The following SLC17A9 variants were observed in gnomAD, a reference collection of about 807,000 sequenced individuals.
SLC17A9 encodes the protein solute carrier family 17 member 9, also known as voltage-gated purine nucleotide uniporter SLC17A9.
Under a neutral mutation model 55.0 loss-of-function variants are expected in SLC17A9, and 49 were observed. The ratio of observed to expected loss-of-function variants is 0.89; its 90% confidence interval spans 0.71 to 1.13. The LOEUF (loss-of-function observed/expected upper bound fraction) is 1.13, where lower values mean the gene tolerates loss of function less well. SLC17A9 is among the 50% of genes most tolerant of loss of function. SLC17A9 has a pLI of 0.00. For missense variants in SLC17A9, 526 were observed against 569.3 expected (o/e 0.92, Z 0.77); for synonymous variants, 256 against 247.4 (o/e 1.03, Z -0.32).
At chr20:62,965,582 T>A in intron 9 of SLC17A9, 28 bp from the exon 10 acceptor site, 2 of 1,602,926 alleles carry the variant, frequency 1.2e-6, no homozygotes, top group South Asian at 1.1e-5. Flanking sequence ...GCTGGGTGCC[T>A]CTCCGTCACG....
At chr20:62,953,740 G>T (rs1330624078) in intron 1 of SLC17A9, among the ~76,000 whole-genome samples, 1 of 152,244 alleles carries the variant, frequency 6.6e-6, no homozygotes, top group African/African-American at 2.4e-5. Flanking sequence ...CTGTATGAGG[G>T]CTGAGGACCC....
chr20:62,964,962 C>T (rs2065621902), intron 8 of SLC17A9, 170 bp from the exon 9 acceptor site: 3 of 702,202 alleles, frequency 4.3e-6, no homozygotes, highest in Admixed American at 2.6e-5. Context: ...CGCGGCTGCA[C>T]CCCACATGCG....
intron 4 of SLC17A9, among the ~76,000 whole-genome samples, chr20:62,960,810 T>A (rs1397807674): frequency 6.6e-6 from 1 of 152,270 alleles, no homozygotes; most frequent in Non-Finnish European, 1.5e-5. Flanking sequence ...TTGTGCATAT[T>A]TCTGCCTTTC....
Position 62,962,571 on chromosome 20 carries a change from T to C in SLC17A9, c.498-53T>C, listed in dbSNP as rs2065597594. ...GGTGGGGTTTCTGAGAGGCCCCTCCTCACCCGAGGGGTGCCGCTGAGGGGC... is the reference window on the plus strand; with the variant it reads ...GGTGGGGTTTCTGAGAGGCCCCTCCCCACCCGAGGGGTGCCGCTGAGGGGC... On this transcript the variant is annotated intron_variant, in intron 4 of 12. Coordinates refer to ENST00000370351, the MANE Select transcript of SLC17A9 (RefSeq NM_022082.4). This position sits in a 1 kb window ranked among gnomAD's most constrained non-coding sequence, Gnocchi z 5.5. 11 of 1,593,332 alleles carry C rather than the reference T, an allele frequency of 6.9e-6. No individual in the cohort carries two copies. The highest frequency in any genetic ancestry group is 8.5e-6 in the Non-Finnish European group (10 of 1,170,024).
At chr20:62,963,555 G>A in intron 6 of SLC17A9, 29 bp from the exon 7 acceptor site, 2 of 1,571,596 alleles carry the variant, frequency 1.3e-6, no homozygotes, top group Non-Finnish European at 1.7e-6. Flanking sequence ...TGCGGCACCA[G>A]AGTCACGGTC....
At position 62,964,145 on chromosome 20, in the gene SLC17A9, G is replaced by A. The variant is rs558577242; in HGVS notation, c.823-83G>A. ...CTTTCCTGGGCAGTGGTGGGCACGG[G>A]GGCGCTGTCCAGCCTGAGTATCCTC... On this transcript the variant is annotated intron_variant, in intron 7 of 12. Coordinates refer to ENST00000370351, the MANE Select transcript of SLC17A9 (RefSeq NM_022082.4). The A allele has an allele frequency of 1.5e-4, 203 of 1,397,210 alleles. 2 individuals are homozygous for A. The South Asian group carries it at 2.2e-3, about 15-fold the overall frequency. 86.6% of individuals were successfully genotyped at this position (1,397,210 alleles called of 1,614,324 possible).
rs114626579 is a variant in SLC17A9, at chr20:62,956,895, A to G, written c.190A>G (p.Ile64Val). 2 of 1,613,660 alleles carry G rather than the reference A, an allele frequency of 1.2e-6. No individual in the cohort carries two copies. The highest frequency in any genetic ancestry group is 1.7e-6 in the Non-Finnish European group (2 of 1,180,024). ...DFGWNKKEAG[I>V]VLSSFFWGYC... is the part of the protein sequence containing the mutation. ...CGGCTGGAACAAGAAGGAGGCCGGC[A>G]TCGTGCTCAGCAGCTTCTTCTGGGG... Residue 64 changes from isoleucine to valine, a missense_variant, in exon 2 of 13, where the codon ATC (isoleucine) becomes GTC (valine). Transcript: ENST00000370351.
chr20:62,956,999 G>A (rs369941336), intron 2 of SLC17A9, 37 bp downstream of exon 2: 1 of 1,611,672 alleles, frequency 6.2e-7, no homozygotes, highest in Admixed American at 1.7e-5. Flanking sequence ...GGCTGGTGGG[G>A]GCCGCCCCAC....
chr20:62,957,377 A>G, intron 2 of SLC17A9, 64 bp from the exon 3 acceptor site: 2 of 1,520,846 alleles, frequency 1.3e-6, no homozygotes, highest in Non-Finnish European at 1.8e-6. Context: ...GGCTGCCCTG[A>G]GTCAGGGTGG....
intron 10 of SLC17A9, 40 bp downstream of exon 10, chr20:62,965,765 C>A: frequency 6.3e-7 from 1 of 1,586,734 alleles, no homozygotes; most frequent in Non-Finnish European, 8.6e-7. Context: ...CGCCGTGCTG[C>A]CCGCACGGCC....
chr20:62,967,316 G>C, intron 12 of SLC17A9, 21 bp from the exon 13 acceptor site: 1 of 1,613,124 alleles, frequency 6.2e-7, no homozygotes, highest in Non-Finnish European at 8.5e-7. Context: ...CACTCAGCCC[G>C]CCTGGCCCTC....
chr20:62,965,897 C>T (rs978594418), intron 10 of SLC17A9, among the ~76,000 whole-genome samples, 172 bp downstream of exon 10: 5 of 152,390 alleles, frequency 3.3e-5, no homozygotes, highest in Admixed American at 6.5e-5. Context: ...CTTTAGGAAC[C>T]AGCAATTCAC....
Position 62,956,792 on chromosome 20 carries a change from G to A in SLC17A9, c.87G>A (p.Thr29=), listed in dbSNP as rs559986873. The change falls in exon 2 of 13, where the codon ACG becomes ACA. Residue 29 remains threonine, a synonymous_variant. Coordinates refer to ENST00000370351, the MANE Select transcript of SLC17A9 (RefSeq NM_022082.4). Reference sequence around the variant, plus strand: ...CCGAGTGCCAGGCATGGACGGGGACGCTGCTGCTGGGCACATGCCTTCTGT... The same window carrying A: ...CCGAGTGCCAGGCATGGACGGGGACACTGCTGCTGGGCACATGCCTTCTGT... ...SRPECQAWTG[T]LLLGTCLLYC... 120 of 1,612,286 alleles carry A rather than the reference G, an allele frequency of 7.4e-5. 1 individual carries two copies. Among genetic ancestry groups the A allele is most frequent in the South Asian group, 9.9e-5 (9 of 90,974 alleles).
chr20:62,963,478 A>G, intron 6 of SLC17A9, 106 bp from the exon 7 acceptor site: 1 of 1,508,400 alleles, frequency 6.6e-7, no homozygotes, highest in Non-Finnish European at 9.0e-7. Flanking sequence ...CCTAGGGCTC[A>G]GAGAAGTGGG....
intron 3 of SLC17A9, among the ~76,000 whole-genome samples, 200 bp downstream of exon 3, chr20:62,957,780 C>T (rs538332538): frequency 2.2e-4 from 30 of 135,032 alleles, no homozygotes; most frequent in African/African-American, 5.1e-4. Flanking sequence ...CGCGTGCATG[C>T]GTGCACCTGT....
intron 12 of SLC17A9, chr20:62,967,062 C>T (rs1396319625): frequency 6.9e-6 from 4 of 576,982 alleles, no homozygotes; most frequent in East Asian, 5.8e-5. Context: ...TCGCCTGGGC[C>T]GGCCTGTGGC....
chr20:62,964,159 C>A, intron 7 of SLC17A9, 69 bp from the exon 8 acceptor site: 1 of 1,523,732 alleles, frequency 6.6e-7, no homozygotes, highest in Non-Finnish European at 9.1e-7. Context: ...GCTGTCCAGC[C>A]TGAGTATCCT....
At chr20:62,956,479 C>T (rs564441400) in intron 1 of SLC17A9, among the ~76,000 whole-genome samples, 1 of 152,310 alleles carries the variant, frequency 6.6e-6, no homozygotes, top group African/African-American at 2.4e-5. Flanking sequence ...CAGGGCCCGG[C>T]CCAGGCACCT....
At position 62,966,752 on chromosome 20, in the gene SLC17A9, G is replaced by A; in HGVS notation, c.1147+20G>A. The A allele has an allele frequency of 1.2e-6, 2 of 1,603,088 alleles. No individual in the cohort carries two copies. The highest frequency in any genetic ancestry group is 1.7e-6 in the Non-Finnish European group (2 of 1,177,250). On this transcript the variant is annotated intron_variant, in intron 12 of 12. Coordinates refer to ENST00000370351, the MANE Select transcript of SLC17A9 (RefSeq NM_022082.4). ...TGGCAGGTGAGGGGCGGGCCTCTGT[G>A]CCCAGGAGTTCCCCTGTCTGTGGGG...
Sources: allele counts gnomAD v4.1 joint callset (sites outside exome capture counted in the v4.1 genomes callset), GRCh38; gene constraint gnomAD v4.1.1; non-coding constraint Gnocchi (gnomAD v3.1); transcripts MANE v1.5; gene names NCBI Gene and HGNC (gene_info 2026-07-23, HGNC 2026-07-21).